AKAP6: variants seen among roughly 807,000 people sequenced by gnomAD.
AKAP6 encodes the protein A-kinase anchor protein 6.
Under a neutral mutation model 188.5 loss-of-function variants are expected in AKAP6, and 58 were observed. The observed-to-expected ratio is 0.31, with a 90% confidence interval of 0.25 to 0.38. The LOEUF is 0.38. AKAP6 is among the 10% of genes least tolerant of loss of function. AKAP6 has a pLI of 1.00. For synonymous variants in AKAP6, 989 were observed against 998.6 expected (o/e 0.99, Z 0.18); for missense variants, 2,710 against 2,740.0 (o/e 0.99, Z 0.24).
At chr14:32,499,328 C>CAAAAAAAAAAAAAAAA (rs71432061) in intron 2 of AKAP6, among the ~76,000 whole-genome samples, 1 of 111,094 alleles carries the variant, frequency 9.0e-6, no homozygotes, top group Non-Finnish European at 1.8e-5. Context: ...AGTGTAACAG[C>CAAAAAAAAAAAAAAAA]AAAAAAAAAA....
chr14:32,813,110 T>C (rs1392452572), intron 12 of AKAP6, among the ~76,000 whole-genome samples: 1 of 152,172 alleles, frequency 6.6e-6, no homozygotes, highest in Non-Finnish European at 1.5e-5. Flanking sequence ...CCACGGGCTG[T>C]AAATTCCCAC....
At chr14:32,455,217 C>G (rs761849601) in intron 2 of AKAP6, among the ~76,000 whole-genome samples, 6 of 151,864 alleles carry the variant, frequency 4.0e-5, no homozygotes, top group Non-Finnish European at 7.4e-5. Context: ...ATCCTTCCAC[C>G]TTGGCCTCCC....
chr14:32,421,307 C>T (rs2138666038), intron 1 of AKAP6, among the ~76,000 whole-genome samples: 1 of 150,576 alleles, frequency 6.6e-6, no homozygotes, highest in Middle Eastern at 3.4e-3. Context: ...AACTCCTTTC[C>T]TCTAGAAGTT....
intron 12 of AKAP6, among the ~76,000 whole-genome samples, chr14:32,811,741 G>A (rs1476380750): frequency 1.3e-5 from 2 of 152,104 alleles, no homozygotes; most frequent in Non-Finnish European, 2.9e-5. Flanking sequence ...TAAAGGGCAC[G>A]GTTCCTAAAC....
intron 7 of AKAP6, among the ~76,000 whole-genome samples, chr14:32,671,977 C>T (rs1889217848): frequency 6.6e-6 from 1 of 151,962 alleles, no homozygotes; most frequent in Non-Finnish European, 1.5e-5. Flanking sequence ...GTGTTTAATC[C>T]TTCGAGTTGA....
chr14:32,439,601 T>TA (rs1172748674), intron 2 of AKAP6, among the ~76,000 whole-genome samples: 1 of 90,320 alleles, frequency 1.1e-5, no homozygotes, highest in Non-Finnish European at 2.1e-5. Context: ...GCATAACTAG[T>TA]AAGGCTACCT....
chr14:32,454,441 T>C (rs1303619627), intron 2 of AKAP6, among the ~76,000 whole-genome samples: 1 of 152,162 alleles, frequency 6.6e-6, no homozygotes, highest in Non-Finnish European at 1.5e-5. Context: ...TGGGCAGAGC[T>C]CAGCTTCTCA....
At chr14:32,640,346 C>A (rs1887701347) in intron 7 of AKAP6, among the ~76,000 whole-genome samples, 1 of 152,020 alleles carries the variant, frequency 6.6e-6, no homozygotes, top group Non-Finnish European at 1.5e-5. Flanking sequence ...TATATTAAAT[C>A]ATTTTTAAAA....
chr14:32,360,533 C>G (rs1887622659), intron 1 of AKAP6, among the ~76,000 whole-genome samples: 2 of 152,104 alleles, frequency 1.3e-5, no homozygotes, highest in African/African-American at 4.8e-5. Context: ...TCCCTCATTC[C>G]CTTACATTTA....
chr14:32,589,470 C>T (rs1885390540), intron 5 of AKAP6, among the ~76,000 whole-genome samples: 2 of 152,108 alleles, frequency 1.3e-5, no homozygotes, highest in African/African-American at 2.4e-5. Flanking sequence ...GGAATGGTAG[C>T]GTAGGAGGCT....
chr14:32,681,918 C>A (rs1301298264), intron 8 of AKAP6, among the ~76,000 whole-genome samples: 1 of 152,050 alleles, frequency 6.6e-6, no homozygotes, highest in Non-Finnish European at 1.5e-5. Flanking sequence ...TTTTAAAGTA[C>A]CTTCTATATG....
chr14:32,518,029 CGTTCTGCAACATTTGCT>C (rs1256300074), intron 2 of AKAP6, among the ~76,000 whole-genome samples: 2 of 152,186 alleles, frequency 1.3e-5, no homozygotes, highest in Admixed American at 6.5e-5. Flanking sequence ...CAACATTTAC[CGTTCTGCAACATTTGCT>C]GTTCTGCAGC....
chr14:32,404,689 G>GATATATATATATATATATATATAT (rs1566485487), intron 1 of AKAP6, among the ~76,000 whole-genome samples: 5 of 4,946 alleles, frequency 1.0e-3, no homozygotes, highest in Admixed American at 4.0e-3. Context: ...GAGGAGTCAG[G>GATATATATATATATATATATATAT]AGATATATAT....
intron 1 of AKAP6, among the ~76,000 whole-genome samples, chr14:32,371,572 C>G (rs183580219): frequency 5.1e-4 from 77 of 152,268 alleles, no homozygotes; most frequent in African/African-American, 1.8e-3. Flanking sequence ...TGCACTCCAG[C>G]CTGGGTGACA....
intron 9 of AKAP6, among the ~76,000 whole-genome samples, chr14:32,714,726 G>A (rs1209108484): frequency 6.6e-6 from 1 of 151,564 alleles, no homozygotes; most frequent in Non-Finnish European, 1.5e-5. Flanking sequence ...TTTTTTCACA[G>A]CATGGAACAG....
At chr14:32,361,071 T>TATATATATATATATATATATATA (rs1213844124) in intron 1 of AKAP6, among the ~76,000 whole-genome samples, 38 of 149,078 alleles carry the variant, frequency 2.5e-4, no homozygotes, top group South Asian at 8.6e-4. Flanking sequence ...TATATATATA[T>TATATATATATATATATATATATA]TTGAGAAGCT....
At chr14:32,786,298 CTTTTTTTTTTTTTTT>C (rs1162974012) in intron 12 of AKAP6, among the ~76,000 whole-genome samples, 1 of 82,552 alleles carries the variant, frequency 1.2e-5, no homozygotes, top group African/African-American at 4.8e-5. Flanking sequence ...AAACCTTTAT[CTTTTTTTTTTTTTTT>C]TTTTTTTTTT....
intron 4 of AKAP6, among the ~76,000 whole-genome samples, chr14:32,575,019 C>G (rs1054333634): frequency 6.6e-6 from 1 of 152,098 alleles, no homozygotes; most frequent in African/African-American, 2.4e-5. Context: ...AGATATGAAC[C>G]TGTGAAATAT....
intron 8 of AKAP6, among the ~76,000 whole-genome samples, chr14:32,693,891 C>A (rs1285367677): frequency 6.6e-6 from 1 of 152,136 alleles, no homozygotes; most frequent in African/African-American, 2.4e-5. Context: ...TTATACCTCT[C>A]AAGGAAATGT....
Sources: gnomAD v4.1 joint callset for allele counts (sites outside exome capture counted in the v4.1 genomes callset) on GRCh38, gnomAD v4.1.1 for gene constraint, MANE v1.5 for transcripts, NCBI Gene and HGNC (gene_info 2026-07-23, HGNC 2026-07-21) for gene names.